Variants in MSRA observed in about 807,000 individuals in gnomAD.
MSRA encodes methionine sulfoxide reductase A.
Under a neutral mutation model 31.3 loss-of-function variants are expected in MSRA, and 54 were observed. That is an observed-to-expected ratio of 1.73 (90% confidence interval 1.39 to 2.17). MSRA has a LOEUF of 2.17. Ranked by LOEUF, MSRA falls within the 30% of genes most tolerant of loss-of-function variation. MSRA has a pLI of 0.00. For synonymous variants in MSRA, 169 were observed against 116.5 expected (o/e 1.45, Z -2.90); for missense variants, 507 against 300.9 (o/e 1.69, Z -5.07).
chr8:10,128,999 C>G (rs1311170733), intron 1 of MSRA, among the ~76,000 whole-genome samples: 1 of 152,182 alleles, frequency 6.6e-6, no homozygotes, highest in Non-Finnish European at 1.5e-5. Flanking sequence ...TATGCTTTCT[C>G]TCTTAATTTT....
chr8:10,240,497 C>T (rs1812315260), intron 2 of MSRA, among the ~76,000 whole-genome samples: 2 of 152,284 alleles, frequency 1.3e-5, no homozygotes, highest in East Asian at 1.9e-4. Context: ...ATGGTAGATG[C>T]CCTCTGGCTG....
intron 5 of MSRA, among the ~76,000 whole-genome samples, chr8:10,344,230 T>A (rs576312127): frequency 4.8e-4 from 73 of 152,280 alleles, no homozygotes; most frequent in African/African-American, 1.6e-3. Flanking sequence ...CTGGTCTTCC[T>A]TCACCCCATC....
chr8:10,109,809 TCA>T (rs1330734131), intron 1 of MSRA, among the ~76,000 whole-genome samples: 1 of 152,254 alleles, frequency 6.6e-6, no homozygotes, highest in Admixed American at 6.5e-5. Context: ...TGTCTTTTTT[TCA>T]CAGTTTGTTG....
At chr8:10,192,960 T>C (rs952952643) in intron 1 of MSRA, among the ~76,000 whole-genome samples, 1 of 152,234 alleles carries the variant, frequency 6.6e-6, no homozygotes, top group Non-Finnish European at 1.5e-5. Flanking sequence ...CCATATTATA[T>C]TATGTTCTCC....
chr8:10,427,571 C>G (rs1163583601), intron 5 of MSRA, among the ~76,000 whole-genome samples: 4 of 152,176 alleles, frequency 2.6e-5, no homozygotes, highest in African/African-American at 9.7e-5. Flanking sequence ...CAGGGTCCTT[C>G]TCCCCAGAGC....
At chr8:10,083,315 G>T (rs576349424) in intron 1 of MSRA, among the ~76,000 whole-genome samples, 37 of 152,286 alleles carry the variant, frequency 2.4e-4, no homozygotes, top group African/African-American at 8.7e-4. Context: ...TTCTAATTGA[G>T]AGACATTTCC....
chr8:10,138,172 A>C lies in MSRA; in HGVS notation c.143-69661A>C, dbSNP rs554388671. On this transcript the variant is annotated intron_variant, in intron 1 of 5. Coordinates refer to ENST00000317173, the MANE Select transcript of MSRA (RefSeq NM_012331.5). Reference sequence around the variant, plus strand: ...ATTGGAGAATGTTGAGAGAGGCGTGACTGGGATGTATCCCTGTGCAGTACA... The same window carrying C: ...ATTGGAGAATGTTGAGAGAGGCGTGCCTGGGATGTATCCCTGTGCAGTACA... Among the ~76,000 whole-genome samples, 5 of 152,338 alleles carry C rather than the reference A, an allele frequency of 3.3e-5. No homozygotes were observed. In the South Asian group the frequency reaches 1.0e-3, roughly 32 times the overall value.
intron 3 of MSRA, among the ~76,000 whole-genome samples, chr8:10,269,876 C>T (rs535617938): frequency 6.6e-6 from 1 of 152,124 alleles, no homozygotes; most frequent in Non-Finnish European, 1.5e-5. Flanking sequence ...TGGTCTCGAT[C>T]TCCTGACCTC....
Position 10,202,744 on chromosome 8 carries a change from T to C in MSRA, c.143-5089T>C, listed in dbSNP as rs184198973. ...GGTGATAATACCAGCCTAACTGTTATATAGAGTTTGTTATGTACTGGACAC... is the reference window on the plus strand; with the variant it reads ...GGTGATAATACCAGCCTAACTGTTACATAGAGTTTGTTATGTACTGGACAC... On this transcript the variant is annotated intron_variant, in intron 1 of 5. Transcript: ENST00000317173. Among the ~76,000 whole-genome samples the C allele has an allele frequency of 1.7e-4, 26 of 152,348 alleles. 1 individual carries two copies. Among genetic ancestry groups the C allele is most frequent in the Admixed American group, 7.8e-4 (12 of 15,312 alleles).
At chr8:10,142,478 A>C (rs1802802317) in intron 1 of MSRA, among the ~76,000 whole-genome samples, 1 of 152,202 alleles carries the variant, frequency 6.6e-6, no homozygotes, top group East Asian at 1.9e-4. Context: ...TTAAGTGGAA[A>C]GCCATGGATC....
At chr8:10,061,270 CT>C (rs1469408737) in intron 1 of MSRA, among the ~76,000 whole-genome samples, 3 of 152,126 alleles carry the variant, frequency 2.0e-5, no homozygotes, top group Non-Finnish European at 2.9e-5. Context: ...ACACTTGGAT[CT>C]TTTTACTTAG....
intron 1 of MSRA, among the ~76,000 whole-genome samples, chr8:10,196,546 T>C (rs144216161): frequency 3.3e-5 from 5 of 152,100 alleles, no homozygotes; most frequent in Non-Finnish European, 7.4e-5. Context: ...CTAAAAAATG[T>C]ATTTATTTAT....
At chr8:10,101,096 C>A (rs543167716) in intron 1 of MSRA, among the ~76,000 whole-genome samples, 1 of 152,302 alleles carries the variant, frequency 6.6e-6, no homozygotes, top group East Asian at 1.9e-4. Flanking sequence ...TAGTCCTTTA[C>A]CGTCTTGGGT....
chr8:10,233,076 C>G (rs1811628500), intron 2 of MSRA, among the ~76,000 whole-genome samples: 1 of 152,200 alleles, frequency 6.6e-6, no homozygotes, highest in African/African-American at 2.4e-5. Context: ...AGACCACTGT[C>G]ATCAGTATCA....
At chr8:10,185,337 C>T (rs1248190410) in intron 1 of MSRA, among the ~76,000 whole-genome samples, 1 of 152,178 alleles carries the variant, frequency 6.6e-6, no homozygotes, top group East Asian at 1.9e-4. Context: ...GAAGATGCTA[C>T]CAGCTGTGGA....
At chr8:10,416,754 G>C (rs1027154558) in intron 5 of MSRA, among the ~76,000 whole-genome samples, 4 of 152,184 alleles carry the variant, frequency 2.6e-5, no homozygotes, top group Non-Finnish European at 4.4e-5. Flanking sequence ...TCTGGGGAAG[G>C]GCCCAGACTT....
rs149359515 is a variant in MSRA, at chr8:10,301,006, TC to T, written c.332-525del. Among the ~76,000 whole-genome samples the T allele has an allele frequency of 3.7e-3, 557 of 152,244 alleles. 2 individuals are homozygous for T. The highest frequency in any genetic ancestry group is 0.013 in the African/African-American group (537 of 41,546). On this transcript the variant is annotated intron_variant, in intron 3 of 5. Transcript: ENST00000317173. Reference sequence around the variant, plus strand: ...GCTGGGTATTTAAATCTGACCCTTGTCCCAGTGTTAACAGCACAGCACGTAT... The same window carrying T: ...GCTGGGTATTTAAATCTGACCCTTGTCCAGTGTTAACAGCACAGCACGTAT...
chr8:10,209,367 C>T (rs1190639992), intron 2 of MSRA, among the ~76,000 whole-genome samples: 9 of 152,128 alleles, frequency 5.9e-5, no homozygotes, highest in Non-Finnish European at 1.0e-4. Flanking sequence ...TAGTAAATGA[C>T]ACTAACCTAT....
At chr8:10,076,858 A>G (rs1798017962) in intron 1 of MSRA, among the ~76,000 whole-genome samples, 1 of 151,998 alleles carries the variant, frequency 6.6e-6, no homozygotes, top group African/African-American at 2.4e-5. Flanking sequence ...ATTTAAGAGC[A>G]GAGGATGGGG....
Sources: allele counts gnomAD v4.1 joint callset (sites outside exome capture counted in the v4.1 genomes callset), GRCh38; gene constraint gnomAD v4.1.1; transcripts MANE v1.5; gene names NCBI Gene and HGNC (gene_info 2026-07-23, HGNC 2026-07-21).